CCDC91: variants seen among roughly 807,000 people sequenced by gnomAD.
The protein encoded by CCDC91 is coiled-coil domain-containing protein 91.
A neutral mutation model predicts 63.2 loss-of-function variants in CCDC91; 48 were observed. That is an observed-to-expected ratio of 0.76 (90% CI 0.60 to 0.97). The LOEUF (loss-of-function observed/expected upper bound fraction) is 0.97. CCDC91 is among the 50% of genes least tolerant of loss of function. The pLI is 0.00. For missense variants in CCDC91, 500 were observed against 494.6 expected (o/e 1.01, Z -0.10); for synonymous variants, 167 against 165.8 (o/e 1.01, Z -0.06).
chr12:28,288,211 T>C (rs2136712773), intron 3 of CCDC91, among the ~76,000 whole-genome samples: 1 of 152,334 alleles, frequency 6.6e-6, no homozygotes, highest in Non-Finnish European at 1.5e-5. Flanking sequence ...CTTTCCTGAT[T>C]GCTCTGTCCA....
intron 1 of CCDC91, among the ~76,000 whole-genome samples, chr12:28,239,832 A>AAT (rs1945222431): frequency 6.6e-6 from 1 of 152,152 alleles, no homozygotes; most frequent in African/African-American, 2.4e-5. Flanking sequence ...TATTTATTTG[A>AAT]GTACTAGAAG....
intron 7 of CCDC91, among the ~76,000 whole-genome samples, chr12:28,364,389 A>G (rs1944134149): frequency 6.6e-6 from 1 of 152,150 alleles, no homozygotes; most frequent in South Asian, 2.1e-4. Flanking sequence ...CTCCGTCTCA[A>G]AAAAAAACAA....
chr12:28,516,804 T>C (rs1290955717), intron 12 of CCDC91, among the ~76,000 whole-genome samples: 2 of 151,858 alleles, frequency 1.3e-5, no homozygotes, highest in East Asian at 3.9e-4. Flanking sequence ...TCAACCCTAC[T>C]ACCTCAGTAA....
At chr12:28,194,688 T>C (rs535065248) in intron 1 of CCDC91, among the ~76,000 whole-genome samples, 2 of 152,144 alleles carry the variant, frequency 1.3e-5, no homozygotes, top group South Asian at 4.2e-4. Context: ...GGAGTGAAGC[T>C]GCAGACCTTT....
At chr12:28,388,265 A>G (rs1327679161) in intron 7 of CCDC91, among the ~76,000 whole-genome samples, 1 of 152,124 alleles carries the variant, frequency 6.6e-6, no homozygotes, top group African/African-American at 2.4e-5. Flanking sequence ...TAGCCAGAGC[A>G]ATCAGACAAT....
chr12:28,486,742 G>T (rs144927161), intron 12 of CCDC91, among the ~76,000 whole-genome samples: 131 of 152,102 alleles, frequency 8.6e-4, no homozygotes, highest in African/African-American at 3.0e-3. Context: ...CATACTAAAG[G>T]CCTAGTATTC....
At chr12:28,546,068 A>C (rs575188216) in intron 12 of CCDC91, among the ~76,000 whole-genome samples, 1 of 152,270 alleles carries the variant, frequency 6.6e-6, no homozygotes, top group South Asian at 2.1e-4. Context: ...ATGAAGCATA[A>C]TAGTAAAACA....
At chr12:28,334,315 G>A (rs1379647544) in intron 6 of CCDC91, among the ~76,000 whole-genome samples, 2 of 152,020 alleles carry the variant, frequency 1.3e-5, no homozygotes, top group African/African-American at 4.8e-5. Context: ...TTGAAGGAAT[G>A]GTTTTTGAAG....
At position 28,496,080 on chromosome 12, in the gene CCDC91, A is replaced by G. The variant is rs560077884; in HGVS notation, c.1215+11915A>G. Among the ~76,000 whole-genome samples, 6 of 151,774 alleles carry G rather than the reference A, an allele frequency of 4.0e-5. No individual in the cohort carries two copies. In the East Asian group the frequency reaches 1.2e-3, roughly 30 times the overall value. ...CAGGGTTCTTCTTTTAAATAACAGA[A>G]GCTGCTTTCATCTGACTAAGCAGCA... On this transcript the variant is annotated intron_variant, in intron 12 of 12. Coordinates refer to ENST00000536442, the MANE Select transcript of CCDC91 (RefSeq NM_018318.5).
intron 6 of CCDC91, among the ~76,000 whole-genome samples, chr12:28,331,529 C>T (rs1485201596): frequency 1.3e-5 from 2 of 152,060 alleles, no homozygotes; most frequent in Middle Eastern, 3.2e-3. Context: ...ATTTTTTTCC[C>T]CTTGTTTTGA....
rs1946515378 is a variant in CCDC91, at chr12:28,257,222, G to A, written c.7G>A (p.Asp3Asn). The change falls in exon 2 of 13, where the codon GAT (aspartate) becomes AAT (asparagine). Residue 3 changes from aspartate to asparagine, a missense_variant. Coordinates refer to ENST00000536442, the MANE Select transcript of CCDC91 (RefSeq NM_018318.5). MD[D>N]DDFGGFEAAE... is the part of the protein sequence containing the mutation. ...TTCAGGTGCCACTTGAAGAATGGAT[G>A]ATGATGATTTTGGTGGTTTTGAGGT... 1.2e-6 allele frequency: 2 copies of A among 1,610,620 alleles called. No homozygotes were observed. The highest frequency in any genetic ancestry group is 4.5e-5 in the East Asian group (2 of 44,738).
intron 12 of CCDC91, among the ~76,000 whole-genome samples, chr12:28,538,376 G>C (rs767096090): frequency 4.0e-5 from 6 of 151,250 alleles, no homozygotes; most frequent in Middle Eastern, 3.4e-3. Flanking sequence ...CTGTCCTTGC[G>C]ATAGTTTGCT....
chr12:28,308,733 T>G (rs1216840175), intron 6 of CCDC91, among the ~76,000 whole-genome samples: 1 of 152,052 alleles, frequency 6.6e-6, no homozygotes, highest in African/African-American at 2.4e-5. Context: ...TGACATCCTC[T>G]CCATCCACCT....
intron 11 of CCDC91, among the ~76,000 whole-genome samples, chr12:28,459,569 TC>T (rs1177023193): frequency 1.3e-5 from 2 of 152,164 alleles, no homozygotes; most frequent in Non-Finnish European, 2.9e-5. Flanking sequence ...GAAGTATTCA[TC>T]ACACTGTCAG....
chr12:28,539,565 G>A (rs757555879), intron 12 of CCDC91, among the ~76,000 whole-genome samples: 2 of 152,082 alleles, frequency 1.3e-5, no homozygotes, highest in Non-Finnish European at 2.9e-5. Flanking sequence ...TGTTCTTTTG[G>A]CTTAGGATAG....
chr12:28,524,632 C>T (rs61922546), intron 12 of CCDC91, among the ~76,000 whole-genome samples: 31,352 of 151,900 alleles, frequency 0.21, 4,230 homozygotes, highest in Non-Finnish European at 0.3. Flanking sequence ...TTTAGGGAGG[C>T]GTCCCTCTTT....
intron 6 of CCDC91, among the ~76,000 whole-genome samples, chr12:28,327,289 G>A (rs1310963511): frequency 1.3e-5 from 2 of 152,124 alleles, no homozygotes; most frequent in African/African-American, 4.8e-5. Flanking sequence ...CTGGAAGCTT[G>A]CACAGGTGAA....
intron 3 of CCDC91, among the ~76,000 whole-genome samples, chr12:28,295,502 C>G (rs1949512452): frequency 6.6e-6 from 1 of 151,996 alleles, no homozygotes; most frequent in African/African-American, 2.4e-5. Flanking sequence ...TGACATCTGA[C>G]AACTAAGTAC....
intron 8 of CCDC91, among the ~76,000 whole-genome samples, chr12:28,441,420 A>G (rs1322862640): frequency 1.3e-5 from 2 of 152,080 alleles, no homozygotes; most frequent in Non-Finnish European, 2.9e-5. Flanking sequence ...TATTCACAGT[A>G]GCCAATAACT....
Sources: gnomAD v4.1 joint callset for allele counts (sites outside exome capture counted in the v4.1 genomes callset) on GRCh38, gnomAD v4.1.1 for gene constraint, MANE v1.5 for transcripts, NCBI Gene and HGNC (gene_info 2026-07-23, HGNC 2026-07-21) for gene names.